RGS20: variants seen among roughly 807,000 people sequenced by gnomAD.
RGS20 encodes gz-selective GTPase-activating protein.
A neutral mutation model predicts 33.6 loss-of-function variants in RGS20; 30 were observed. The ratio of observed to expected loss-of-function variants is 0.89; its 90% confidence interval spans 0.67 to 1.21. The LOEUF (loss-of-function observed/expected upper bound fraction) is 1.21. RGS20 is among the 50% of genes most tolerant of loss of function. RGS20 has a pLI of 0.00. For missense variants in RGS20, 472 were observed against 502.4 expected (o/e 0.94, Z 0.58); for synonymous variants, 208 against 197.9 (o/e 1.05, Z -0.43).
At chr8:53,901,385 G>T (rs567026093) in intron 2 of RGS20, among the ~76,000 whole-genome samples, 6 of 152,148 alleles carry the variant, frequency 3.9e-5, no homozygotes, top group African/African-American at 1.4e-4. Context: ...GTCTCTTAAT[G>T]TCTCTTTCTG....
chr8:53,895,757 G>C (rs1397222676), intron 2 of RGS20, among the ~76,000 whole-genome samples: 2 of 150,358 alleles, frequency 1.3e-5, no homozygotes. Context: ...CAGTTCTCTT[G>C]CCTTAGCCTC....
chr8:53,899,294 C>G (rs755457974), intron 2 of RGS20, among the ~76,000 whole-genome samples: 3 of 152,150 alleles, frequency 2.0e-5, no homozygotes, highest in Admixed American at 6.6e-5. Context: ...CTTTATGGAA[C>G]AGAAAGGGGA....
Position 53,903,503 on chromosome 8 carries a change from G to T in RGS20, c.510+23901G>T, listed in dbSNP as rs539058655. Among the ~76,000 whole-genome samples, 23 of 152,302 alleles carry T rather than the reference G, an allele frequency of 1.5e-4. No individual in the cohort carries two copies. The South Asian group carries it at 4.6e-3, about 30-fold the overall frequency. On this transcript the variant is annotated intron_variant, in intron 2 of 5. Coordinates refer to ENST00000297313, the MANE Select transcript of RGS20 (RefSeq NM_170587.4). ...CACAGCAGTTAGGTCCCTGACAGGA[G>T]ACGGCACCCAGGAAGCCACAAAGAG...
At chr8:53,958,093 GCCACTGCACT>G (rs1407815166) in intron 5 of RGS20, among the ~76,000 whole-genome samples, 167 bp from the exon 5 acceptor site, 1 of 151,982 alleles carries the variant, frequency 6.6e-6, no homozygotes, top group African/African-American at 2.4e-5. Context: ...CTGAGATCGC[GCCACTGCACT>G]CCAGCCTGGG....
intron 2 of RGS20, among the ~76,000 whole-genome samples, chr8:53,881,809 C>G (rs539382540): frequency 1.3e-5 from 2 of 152,210 alleles, no homozygotes; most frequent in Non-Finnish European, 1.5e-5. Flanking sequence ...TGGAACAAAC[C>G]CGGGCACTTG....
intron 3 of RGS20, among the ~76,000 whole-genome samples, chr8:53,944,849 A>C (rs1814424823): frequency 6.6e-6 from 1 of 152,232 alleles, no homozygotes; most frequent in African/African-American, 2.4e-5. Context: ...AATAGCTAGT[A>C]AATGCATGAA....
chr8:53,951,540 AT>A (rs1814708153), intron 4 of RGS20, among the ~76,000 whole-genome samples: 1 of 152,034 alleles, frequency 6.6e-6, no homozygotes, highest in Admixed American at 6.6e-5. Flanking sequence ...TTAATAAGCT[AT>A]ATTTATTGGT....
intron 2 of RGS20, among the ~76,000 whole-genome samples, chr8:53,887,648 T>G (rs1812585453): frequency 6.6e-6 from 1 of 152,134 alleles, no homozygotes; most frequent in Non-Finnish European, 1.5e-5. Flanking sequence ...TGACAGGAAG[T>G]CATTATCCAG....
At chr8:53,918,235 T>C (rs1366566281) in intron 2 of RGS20, among the ~76,000 whole-genome samples, 4 of 152,154 alleles carry the variant, frequency 2.6e-5, no homozygotes, top group Admixed American at 2.0e-4. Context: ...TAGCAGTCAC[T>C]CATTCCCCTT....
chr8:53,898,038 G>A lies in RGS20; in HGVS notation c.510+18436G>A, dbSNP rs570775918. Among the ~76,000 whole-genome samples the A allele has an allele frequency of 1.6e-3, 239 of 152,228 alleles. 3 individuals are homozygous for A. Among genetic ancestry groups the A allele is most frequent in the Non-Finnish European group, 2.6e-3 (179 of 68,022 alleles). On this transcript the variant is annotated intron_variant, in intron 2 of 5. Transcript: ENST00000297313. Reference sequence around the variant, plus strand: ...AGTGTCCACTCCGGGCCATACTTTGGGAGCTCTGTTCCTCAGCAGGGCTGG... The same window carrying A: ...AGTGTCCACTCCGGGCCATACTTTGAGAGCTCTGTTCCTCAGCAGGGCTGG...
chr8:53,951,326 A>C (rs1043155906), intron 4 of RGS20, among the ~76,000 whole-genome samples: 7 of 152,046 alleles, frequency 4.6e-5, no homozygotes, highest in African/African-American at 1.4e-4. Flanking sequence ...CTCTACAAAA[A>C]AATACAAAAA....
In RGS20 at chr8:53,879,260, C is replaced by T. The variant is rs1489215408; in HGVS notation, c.168C>T (p.Ser56=). Residue 56 remains serine (S), a splice_region_variant and synonymous_variant, in exon 2 of 6, where the codon TCC becomes TCT. Coordinates refer to ENST00000297313, the MANE Select transcript of RGS20 (RefSeq NM_170587.4). ...TTGTTTCTCTCTCCCCACCCCAGTC[C>T]TTCCCGCCTGCACAGCTCCCAGACT... 1 of 1,613,466 alleles carries T rather than the reference C, an allele frequency of 6.2e-7. No individual in the cohort carries two copies. Among genetic ancestry groups the T allele is most frequent in the Non-Finnish European group, 8.5e-7 (1 of 1,179,736 alleles).
intron 3 of RGS20, among the ~76,000 whole-genome samples, chr8:53,941,276 T>C (rs1585944749): frequency 6.6e-6 from 1 of 152,266 alleles, no homozygotes; most frequent in South Asian, 2.1e-4. Flanking sequence ...GAAGAGACAA[T>C]AGAGCAATAT....
intron 4 of RGS20, 40 bp from the exon 4 acceptor site, chr8:53,954,036 A>G: frequency 1.5e-6 from 2 of 1,335,840 alleles, no homozygotes; most frequent in Non-Finnish European, 2.2e-6. Flanking sequence ...ACTACCACTA[A>G]CAGTTCCCTT....
At chr8:53,904,921 T>C (rs1038121463) in intron 2 of RGS20, among the ~76,000 whole-genome samples, 2 of 152,240 alleles carry the variant, frequency 1.3e-5, no homozygotes, top group Non-Finnish European at 2.9e-5. Context: ...TTGAGTTATA[T>C]AGGATGTTCA....
chr8:53,886,700 G>A (rs1430598722), intron 2 of RGS20, among the ~76,000 whole-genome samples: 2 of 152,258 alleles, frequency 1.3e-5, no homozygotes, highest in Middle Eastern at 3.4e-3. Context: ...CTGCTATCTG[G>A]TTTGTCTACA....
chr8:53,936,635 G>T (rs748415598), intron 2 of RGS20, among the ~76,000 whole-genome samples: 41 of 152,156 alleles, frequency 2.7e-4, no homozygotes, highest in Non-Finnish European at 4.7e-4. Context: ...CCATGCTCAT[G>T]GATAGGAAGA....
intron 2 of RGS20, among the ~76,000 whole-genome samples, chr8:53,891,425 C>A (rs984450893): frequency 2.3e-4 from 35 of 152,242 alleles, no homozygotes; most frequent in Middle Eastern, 3.4e-3. Flanking sequence ...TCGAGACCAG[C>A]CTGGCCAACA....
At chr8:53,874,548 C>A (rs1812155073) in intron 1 of RGS20, among the ~76,000 whole-genome samples, 1 of 152,178 alleles carries the variant, frequency 6.6e-6, no homozygotes, top group Non-Finnish European at 1.5e-5. Context: ...GCTGATGTTG[C>A]AGTCTTCATT....
Sources: allele counts gnomAD v4.1 joint callset (sites outside exome capture counted in the v4.1 genomes callset), GRCh38; gene constraint gnomAD v4.1.1; transcripts MANE v1.5; gene names NCBI Gene and HGNC (gene_info 2026-07-23, HGNC 2026-07-21).